The following ROCK2 variants were observed in gnomAD, a reference collection of about 807,000 sequenced individuals.
ROCK2 encodes rho-associated protein kinase 2.
A neutral mutation model predicts 195.1 loss-of-function variants in ROCK2; 61 were observed. The ratio of observed to expected loss-of-function variants is 0.31; its 90% CI spans 0.25 to 0.39. The LOEUF (loss-of-function observed/expected upper bound fraction) is 0.39, where lower values mean the gene tolerates loss of function less well. Ranked by LOEUF, ROCK2 falls within the 10% of genes least tolerant of loss-of-function variation. The pLI, the probability that ROCK2 is intolerant of heterozygous loss-of-function variation, is 1.00. For missense variants in ROCK2, 1,109 were observed against 1,637.4 expected (o/e 0.68, Z 5.57); for synonymous variants, 504 against 545.5 (o/e 0.92, Z 1.06).
chr2:11,332,930 T>C (rs1376959976), intron 1 of ROCK2, among the ~76,000 whole-genome samples: 1 of 152,188 alleles, frequency 6.6e-6, no homozygotes, highest in Non-Finnish European at 1.5e-5. Flanking sequence ...ACTGCATATT[T>C]TATGATTCCA....
intron 20 of ROCK2, among the ~76,000 whole-genome samples, chr2:11,202,818 G>C (rs1663911840): frequency 6.6e-6 from 1 of 152,124 alleles, no homozygotes; most frequent in Non-Finnish European, 1.5e-5. Flanking sequence ...ATTTTTTTAA[G>C]AGTATAAAGG....
intron 3 of ROCK2, among the ~76,000 whole-genome samples, chr2:11,272,019 C>A (rs1228110294): frequency 3.3e-3 from 376 of 113,476 alleles, no homozygotes; most frequent in African/African-American, 3.4e-3. Context: ...GACTCCATCT[C>A]AAAAAAAAAA....
chr2:11,199,831 T>C (rs1026889281), intron 23 of ROCK2, among the ~76,000 whole-genome samples: 4 of 152,264 alleles, frequency 2.6e-5, no homozygotes, highest in Non-Finnish European at 4.4e-5. Context: ...TGCCTAAATT[T>C]CTATAGTGTA....
At chr2:11,338,304 A>AC (rs1211339456) in intron 1 of ROCK2, among the ~76,000 whole-genome samples, 16 of 152,280 alleles carry the variant, frequency 1.1e-4, no homozygotes, top group African/African-American at 3.6e-4. Context: ...CTATGACTAC[A>AC]CCACTGCATC....
At chr2:11,232,598 A>G (rs1281048860) in intron 5 of ROCK2, among the ~76,000 whole-genome samples, 1 of 152,240 alleles carries the variant, frequency 6.6e-6, no homozygotes. Context: ...GTTCTTAAAC[A>G]TTGTATAATT....
intron 3 of ROCK2, among the ~76,000 whole-genome samples, chr2:11,272,485 A>C (rs939746519): frequency 6.6e-6 from 1 of 152,164 alleles, no homozygotes; most frequent in African/African-American, 2.4e-5. Flanking sequence ...TATATAAAAA[A>C]TTGATGCATT....
At chr2:11,196,222 G>A (rs1227825268) in intron 27 of ROCK2, among the ~76,000 whole-genome samples, 1 of 152,176 alleles carries the variant, frequency 6.6e-6, no homozygotes, top group Non-Finnish European at 1.5e-5. Context: ...CATTTAAACT[G>A]TAATCTCTTT....
At chr2:11,320,727 G>A (rs746580498) in intron 1 of ROCK2, among the ~76,000 whole-genome samples, 2 of 152,150 alleles carry the variant, frequency 1.3e-5, no homozygotes, top group African/African-American at 4.8e-5. Context: ...AGTGAAAGAC[G>A]GTGGTCCCTC....
intron 9 of ROCK2, 79 bp from the exon 10 acceptor site, chr2:11,219,105 C>G (rs1055331014): frequency 8.5e-6 from 6 of 705,048 alleles, no homozygotes; most frequent in Non-Finnish European, 1.4e-5. Flanking sequence ...TATTCTCAGA[C>G]TTAAATATCA....
chr2:11,184,002 A>C (rs1255607764), intron 32 of ROCK2, among the ~76,000 whole-genome samples: 1 of 152,174 alleles, frequency 6.6e-6, no homozygotes, highest in African/African-American at 2.4e-5. Context: ...ATTTCTTTTA[A>C]ATCCTTCTAT....
chr2:11,237,794 G>C lies in ROCK2; in HGVS notation c.463-1832C>G, dbSNP rs573478693. Among the ~76,000 whole-genome samples, 6 of 152,310 alleles carry C rather than the reference G, an allele frequency of 3.9e-5. No individual in the cohort carries two copies. The South Asian group carries it at 1.2e-3, about 32-fold the overall frequency. On this transcript the variant is annotated intron_variant, in intron 4 of 32. Coordinates refer to ENST00000315872, the MANE Select transcript of ROCK2 (RefSeq NM_004850.5). ...ATATAGTTTGACAAAATGAAGAATA[G>C]CTGGGCACAGCAGTGGCTCATGCCT...
intron 1 of ROCK2, among the ~76,000 whole-genome samples, chr2:11,339,305 C>T (rs928049623): frequency 6.6e-6 from 1 of 151,974 alleles, no homozygotes; most frequent in Non-Finnish European, 1.5e-5. Context: ...ATTAATTATG[C>T]GGTAAATATA....
At chr2:11,263,508 G>A (rs979535311) in intron 3 of ROCK2, among the ~76,000 whole-genome samples, 1 of 151,254 alleles carries the variant, frequency 6.6e-6, no homozygotes, top group Non-Finnish European at 1.5e-5. Flanking sequence ...TAATCTTCCC[G>A]ATACAAGTGA....
At position 11,215,602 on chromosome 2, in the gene ROCK2, TCTAA is replaced by T. The variant is rs1421320964; in HGVS notation, c.1501_1504del (p.Leu501LysfsTer35). The T allele has an allele frequency of 1.9e-6, 3 of 1,613,436 alleles. No individual in the cohort carries two copies. The highest frequency in any genetic ancestry group is 2.5e-6 in the Non-Finnish European group (3 of 1,179,604). On this transcript the variant is annotated frameshift_variant, in exon 14 of 33. Coordinates refer to ENST00000315872, the MANE Select transcript of ROCK2 (RefSeq NM_004850.5). LOFTEE classifies it high-confidence loss of function. ...GTGCTGAAGAAGCGCCTTTTCTCTTTCTAACTGTCTTAATGCTGATTCCACACTT... is the reference window on the plus strand; with the variant it reads ...GTGCTGAAGAAGCGCCTTTTCTCTTTCTGTCTTAATGCTGATTCCACACTT...
chr2:11,195,099 A>G, intron 27 of ROCK2, 74 bp from the exon 28 acceptor site: 1 of 747,502 alleles, frequency 1.3e-6, no homozygotes, highest in Middle Eastern at 3.0e-4. Context: ...ATAAAATTTT[A>G]ATATGAAATT....
chr2:11,297,054 A>G (rs548425513), intron 1 of ROCK2, among the ~76,000 whole-genome samples: 1 of 152,276 alleles, frequency 6.6e-6, no homozygotes, highest in African/African-American at 2.4e-5. Context: ...TATAATAGCA[A>G]GAAACTCAAA....
Position 11,215,357 on chromosome 2 carries a change from T to G in ROCK2, c.1653A>C (p.Gln551His). 6.2e-7 allele frequency: 1 copy of G among 1,607,536 alleles called. No individual in the cohort carries two copies. The highest frequency in any genetic ancestry group is 1.1e-5 in the South Asian group (1 of 89,656). ...EDLKKRNQNS[Q>H]ISTEKVNQLQ... is the part of the protein sequence containing the mutation. ...GTTGATTCACTTTCTCAGTGGATAT[T>G]TGAGAGTTTTGATTTCTTTTTTTCA... Residue 551 changes from glutamine (Q) to histidine (H), a missense_variant, in exon 15 of 33, where the codon CAA (glutamine) becomes CAC (histidine). By Grantham distance (24) the Gln-to-His change is conservative. Coordinates refer to ENST00000315872, the MANE Select transcript of ROCK2 (RefSeq NM_004850.5).
chr2:11,268,689 C>T (rs1196087459), intron 3 of ROCK2, among the ~76,000 whole-genome samples: 2 of 152,136 alleles, frequency 1.3e-5, no homozygotes, highest in African/African-American at 4.8e-5. Context: ...TGACAAATCA[C>T]TTCTCTTTTG....
chr2:11,268,262 A>G (rs535760304), intron 3 of ROCK2, among the ~76,000 whole-genome samples: 166 of 152,262 alleles, frequency 1.1e-3, no homozygotes, highest in Non-Finnish European at 2.1e-3. Flanking sequence ...AAGTCAGAAA[A>G]TTAAAAACTT....
Sources: allele counts gnomAD v4.1 joint callset (sites outside exome capture counted in the v4.1 genomes callset), GRCh38; gene constraint gnomAD v4.1.1; transcripts MANE v1.5; gene names NCBI Gene and HGNC (gene_info 2026-07-23, HGNC 2026-07-21).